Variants in BRD4 observed in about 807,000 individuals in gnomAD.
BRD4 encodes the protein bromodomain containing 4.
A neutral mutation model predicts 142.1 loss-of-function variants in BRD4; 16 were observed. The ratio of observed to expected loss-of-function variants is 0.11; its 90% CI spans 0.08 to 0.17. BRD4 has a LOEUF of 0.17. BRD4 is among the 10% of genes least tolerant of loss of function. BRD4 has a pLI of 1.00. For synonymous variants in BRD4, 833 were observed against 707.5 expected (o/e 1.18, Z -2.82); for missense variants, 1,424 against 1,810.9 (o/e 0.79, Z 3.88).
intron 1 of BRD4, among the ~76,000 whole-genome samples, chr19:15,278,105 C>CAAAAAAAAAAA (rs59204229): frequency 9.1e-5 from 5 of 55,038 alleles, no homozygotes; most frequent in Non-Finnish European, 6.3e-5. Flanking sequence ...GACTCCGTCT[C>CAAAAAAAAAAA]AAAAAAAAAA....
chr19:15,298,844 C>T (rs1161322341), intron 1 of BRD4, among the ~76,000 whole-genome samples: 1 of 152,058 alleles, frequency 6.6e-6, no homozygotes, highest in Non-Finnish European at 1.5e-5. Flanking sequence ...CCGCCTAAGA[C>T]CCAAAGAAAG....
At chr19:15,259,744 T>C (rs2047449291) in intron 7 of BRD4, among the ~76,000 whole-genome samples, 1 of 152,172 alleles carries the variant, frequency 6.6e-6, no homozygotes, top group South Asian at 2.1e-4. Context: ...AAGTACCAGC[T>C]TGATGGTAGA....
rs139601952 is a variant in BRD4 at position 15,313,845 on chromosome 19, C to T, written c.-35+18445G>A. Among the ~76,000 whole-genome samples, 486 of 152,288 alleles carry T rather than the reference C, an allele frequency of 3.2e-3. 3 individuals carry two copies. The highest frequency in any genetic ancestry group is 5.0e-3 in the Non-Finnish European group (337 of 68,026). On this transcript the variant is annotated intron_variant, in intron 1 of 19. Transcript: ENST00000679869. The stretch of plus-strand genomic sequence containing the variant: ...AGGAGGGTGTGCATCATCCACCTTG[C>T]TTACCGCTGACCTCCAGCACCCAGA...
intron 1 of BRD4, among the ~76,000 whole-genome samples, chr19:15,323,863 A>T (rs552688168): frequency 6.6e-6 from 1 of 152,148 alleles, no homozygotes; most frequent in South Asian, 2.1e-4. Context: ...CAAAGCCAGC[A>T]CTCCTCGGCC....
chr19:15,281,799 C>T (rs916803466), intron 1 of BRD4, among the ~76,000 whole-genome samples: 1 of 152,164 alleles, frequency 6.6e-6, no homozygotes, highest in Non-Finnish European at 1.5e-5. Context: ...GGGTGGATTG[C>T]CTGAGTTCAG....
At chr19:15,297,044 C>T (rs954169123) in intron 1 of BRD4, among the ~76,000 whole-genome samples, 6 of 152,182 alleles carry the variant, frequency 3.9e-5, no homozygotes, top group East Asian at 1.9e-4. Context: ...AGGTGGATTT[C>T]GTAACATCTA....
intron 1 of BRD4, among the ~76,000 whole-genome samples, chr19:15,307,535 TA>T (rs2047924708): frequency 6.6e-6 from 1 of 152,148 alleles, no homozygotes; most frequent in Non-Finnish European, 1.5e-5. Context: ...ATTGCCCATA[TA>T]AAACACATCA....
intron 1 of BRD4, among the ~76,000 whole-genome samples, chr19:15,314,379 T>C (rs1166825263): frequency 2.0e-5 from 3 of 152,126 alleles, no homozygotes; most frequent in Admixed American, 6.5e-5. Flanking sequence ...CTAGGACACA[T>C]TGTTTTGGAA....
intron 10 of BRD4, among the ~76,000 whole-genome samples, 195 bp downstream of exon 10, chr19:15,255,102 T>C (rs1316020257): frequency 6.6e-6 from 1 of 151,102 alleles, no homozygotes; most frequent in African/African-American, 2.4e-5. Flanking sequence ...CAGTCAGATA[T>C]GTAGAAAGGC....
chr19:15,259,690 T>C (rs2047448886), intron 7 of BRD4, among the ~76,000 whole-genome samples: 1 of 152,220 alleles, frequency 6.6e-6, no homozygotes, highest in Admixed American at 6.5e-5. Flanking sequence ...CCAGGGCTGC[T>C]GTAGGAAAAC....
chr19:15,292,549 C>T (rs1157458927), intron 1 of BRD4, among the ~76,000 whole-genome samples: 6 of 151,990 alleles, frequency 3.9e-5, no homozygotes, highest in African/African-American at 1.2e-4. Flanking sequence ...GAGGCCGAGG[C>T]GGGCGGATCA....
chr19:15,309,149 C>G (rs1344074279), intron 1 of BRD4, among the ~76,000 whole-genome samples: 1 of 151,652 alleles, frequency 6.6e-6, no homozygotes, highest in Non-Finnish European at 1.5e-5. Context: ...CTGGCTAACA[C>G]GGCGAAACCC....
At chr19:15,329,080 CTTT>C (rs999954374) in intron 1 of BRD4, among the ~76,000 whole-genome samples, 8 of 143,874 alleles carry the variant, frequency 5.6e-5, no homozygotes, top group East Asian at 2.0e-4. Context: ...GCGCATTCTG[CTTT>C]TTTTTTTTTT....
In BRD4 at chr19:15,239,475, G is replaced by C; in HGVS notation, c.3493C>G (p.Pro1165Ala). The C allele has an allele frequency of 1.2e-6, 2 of 1,614,122 alleles. No homozygotes were observed. Among genetic ancestry groups the C allele is most frequent in the Non-Finnish European group, 1.7e-6 (2 of 1,180,032 alleles). Residue 1165 changes from proline (P) to alanine (A), a missense_variant, in exon 17 of 20, where the codon CCA becomes GCA. By Grantham distance (27) the Pro-to-Ala change is conservative. Coordinates refer to ENST00000679869, the MANE Select transcript of BRD4 (RefSeq NM_001379291.1). This position sits in a 1 kb window ranked among gnomAD's most constrained non-coding sequence, Gnocchi z 7.4. ...CCTGGTGGCGGTGCGTTCTGCTCTG[G>C]GGGCCGGATCACAGGCCTCCCGACA... ...VDVGRPVIRP[P>A]EQNAPPPGAP...
At chr19:15,295,698 C>T (rs531318538) in intron 1 of BRD4, among the ~76,000 whole-genome samples, 14 of 152,340 alleles carry the variant, frequency 9.2e-5, no homozygotes, top group Admixed American at 2.6e-4. Context: ...GGGCTGCGTG[C>T]GGTGGCTCAC....
chr19:15,308,670 G>A (rs1051366051), intron 1 of BRD4, among the ~76,000 whole-genome samples: 1 of 151,288 alleles, frequency 6.6e-6, no homozygotes, highest in Admixed American at 6.6e-5. Context: ...AAAAATTGAG[G>A]ACATAAATTT....
intron 8 of BRD4, 113 bp downstream of exon 8, chr19:15,256,851 G>A: frequency 1.1e-6 from 1 of 951,944 alleles, no homozygotes; most frequent in Non-Finnish European, 1.5e-6. Context: ...GGTCCAGTGG[G>A]AATTATGCTC....
intron 1 of BRD4, among the ~76,000 whole-genome samples, chr19:15,289,092 C>T (rs2047761867): frequency 6.6e-6 from 1 of 152,166 alleles, no homozygotes; most frequent in Non-Finnish European, 1.5e-5. Flanking sequence ...TGTTTAGTAA[C>T]CCCACTCCCC....
chr19:15,323,417 T>C (rs1599531260), intron 1 of BRD4, among the ~76,000 whole-genome samples: 1 of 152,084 alleles, frequency 6.6e-6, no homozygotes, highest in Non-Finnish European at 1.5e-5. Context: ...CTCCATGTAG[T>C]TTTTTTGTTT....
Sources: gnomAD v4.1 joint callset for allele counts (sites outside exome capture counted in the v4.1 genomes callset) on GRCh38, gnomAD v4.1.1 for gene constraint, Gnocchi (gnomAD v3.1) non-coding constraint, MANE v1.5 for transcripts, NCBI Gene and HGNC (gene_info 2026-07-23, HGNC 2026-07-21) for gene names.